The following GRIP1 variants were observed in gnomAD, a reference collection of about 807,000 sequenced individuals.
GRIP1 encodes the protein glutamate receptor interacting protein 1.
In GRIP1, 45 loss-of-function variants were observed where a neutral mutation model predicts 129.9. The ratio of observed to expected loss-of-function variants is 0.35; its 90% CI spans 0.27 to 0.44. The LOEUF (loss-of-function observed/expected upper bound fraction) is 0.44, where lower values mean the gene tolerates loss of function less well. Among genes scored for constraint, GRIP1 ranks in the 20% least tolerant of loss-of-function variants. The pLI, the probability that GRIP1 is intolerant of heterozygous loss-of-function variation, is 1.00. For synonymous variants in GRIP1, 530 were observed against 520.8 expected (o/e 1.02, Z -0.24); for missense variants, 1,196 against 1,396.8 (o/e 0.86, Z 2.29).
chr12:66,561,478 TAAAAACTAAAAAAA>T (rs996404935), intron 2 of GRIP1, among the ~76,000 whole-genome samples: 9 of 151,346 alleles, frequency 5.9e-5, no homozygotes, highest in African/African-American at 2.2e-4. Flanking sequence ...CCACAAAAAT[TAAAAACTAAAAAAA>T]AAGAAATACT....
intron 1 of GRIP1, among the ~76,000 whole-genome samples, chr12:66,736,346 A>ATTTTTTTTTTTTTTTTTTTT (rs547706592): frequency 3.0e-5 from 2 of 67,002 alleles, no homozygotes; most frequent in Non-Finnish European, 5.5e-5. Flanking sequence ...TGCCTGGCTA[A>ATTTTTTTTTTTTTTTTTTTT]TTTTTTTTTT....
intron 5 of GRIP1, among the ~76,000 whole-genome samples, chr12:66,521,011 G>A (rs1339361770): frequency 1.3e-5 from 2 of 152,158 alleles, no homozygotes; most frequent in Non-Finnish European, 2.9e-5. Flanking sequence ...AGAAATTTAG[G>A]AATGGTTAGG....
Position 66,629,345 on chromosome 12 carries a change from C to T in GRIP1, c.56-32418G>A, listed in dbSNP as rs76055161. ...GACACAAATGGCATGAAGCCTAACA[C>T]ATGTGATGACCAGCATTTCACAGAG... On this transcript the variant is annotated intron_variant, in intron 1 of 24. Transcript: ENST00000359742. 7.3e-3 allele frequency among the ~76,000 whole-genome samples: 1,118 copies of T among 152,314 alleles called. 13 individuals are homozygous for T. Among genetic ancestry groups the T allele is most frequent in the African/African-American group, 0.026 (1,074 of 41,562 alleles).
At chr12:66,661,722 G>A (rs2033521670) in intron 1 of GRIP1, among the ~76,000 whole-genome samples, 1 of 151,972 alleles carries the variant, frequency 6.6e-6, no homozygotes, top group Non-Finnish European at 1.5e-5. Flanking sequence ...CTGAGTTTTT[G>A]TCTAGTTTTA....
rs1392003060 is a variant in GRIP1, at chr12:67,028,381, T to C, written c.58+40669A>G. 2.0e-5 allele frequency among the ~76,000 whole-genome samples: 3 copies of C among 152,228 alleles called. 1 individual carries two copies. Among genetic ancestry groups the C allele is most frequent in the East Asian group, 3.8e-4 (2 of 5,200 alleles). On this transcript the variant is annotated intron_variant, in intron 1 of 1. Coordinates refer to the GRIP1 transcript ENST00000643019. ...GAACAGTGTTTGAATAGAACGACTT[T>C]TAAATAGATGTATTTTTAGTAGTTT... is the stretch of plus-strand genomic sequence containing the variant.
rs145741025 is a variant in GRIP1, at chr12:66,417,362, A to G, written c.1838+3358T>C. On this transcript the variant is annotated intron_variant, in intron 15 of 24. Transcript: ENST00000359742. ...ACTGAATGAGGAAAAACTAAAAGCC[A>G]TTCCTCTAAGATCTGGTACACAACA... 1.0e-3 allele frequency among the ~76,000 whole-genome samples: 157 copies of G among 152,288 alleles called. 1 individual carries two copies. Among genetic ancestry groups the G allele is most frequent in the African/African-American group, 3.5e-3 (144 of 41,584 alleles).
intron 2 of GRIP1, among the ~76,000 whole-genome samples, chr12:66,575,515 T>A (rs1208101385): frequency 1.3e-5 from 2 of 152,208 alleles, no homozygotes; most frequent in Non-Finnish European, 2.9e-5. Context: ...TCCTAAAACT[T>A]TCTTTCCTTC....
intron 1 of GRIP1, among the ~76,000 whole-genome samples, chr12:66,843,177 T>C (rs2039751936): frequency 6.6e-6 from 1 of 151,964 alleles, no homozygotes; most frequent in Admixed American, 6.6e-5. Flanking sequence ...TAAAAAATGC[T>C]TAAGGATAAA....
At chr12:66,649,447 C>A (rs1399280323) in intron 1 of GRIP1, among the ~76,000 whole-genome samples, 1 of 152,208 alleles carries the variant, frequency 6.6e-6, no homozygotes, top group East Asian at 1.9e-4. Context: ...TTCTCCCTCT[C>A]ATTCAATTCA....
intron 1 of GRIP1, among the ~76,000 whole-genome samples, chr12:66,678,066 T>C (rs182554027): frequency 1.8e-4 from 28 of 152,262 alleles, no homozygotes; most frequent in Non-Finnish European, 2.6e-4. Flanking sequence ...CACATATCTA[T>C]ATGGACACAA....
intron 7 of GRIP1, among the ~76,000 whole-genome samples, chr12:66,515,267 A>G (rs35684389): frequency 0.31 from 46,862 of 151,690 alleles, 7,323 homozygotes; most frequent in Middle Eastern, 0.38. Flanking sequence ...TCTATGTAAT[A>G]ATAAAAAAAA....
intron 23 of GRIP1, among the ~76,000 whole-genome samples, chr12:66,357,984 C>G (rs565911902): frequency 6.6e-6 from 1 of 152,278 alleles, no homozygotes; most frequent in African/African-American, 2.4e-5. Flanking sequence ...ACCTCCACCT[C>G]CTGGGTTCAA....
At chr12:66,502,022 C>T (rs2060406978) in intron 7 of GRIP1, among the ~76,000 whole-genome samples, 1 of 152,086 alleles carries the variant, frequency 6.6e-6, no homozygotes, top group African/African-American at 2.4e-5. Context: ...GCTATAATCA[C>T]TTTAAATTGG....
At chr12:66,661,672 G>C (rs2033517887) in intron 1 of GRIP1, among the ~76,000 whole-genome samples, 1 of 152,054 alleles carries the variant, frequency 6.6e-6, no homozygotes, top group East Asian at 1.9e-4. Context: ...GGAAAGATCA[G>C]ATAATTCATA....
intron 1 of GRIP1, among the ~76,000 whole-genome samples, chr12:66,801,792 G>T (rs2038865318): frequency 1.3e-5 from 2 of 152,104 alleles, no homozygotes; most frequent in Non-Finnish European, 2.9e-5. Context: ...AAAGAAGAAT[G>T]ACACTTCTGG....
chr12:66,355,663 A>G (rs917544749), intron 23 of GRIP1, among the ~76,000 whole-genome samples: 8 of 151,872 alleles, frequency 5.3e-5, no homozygotes, highest in Admixed American at 5.2e-4. Flanking sequence ...CCAAAGCAAT[A>G]CTCACCAGGG....
intron 1 of GRIP1, among the ~76,000 whole-genome samples, chr12:66,700,341 G>T (rs1363022576): frequency 1.3e-5 from 2 of 152,070 alleles, no homozygotes; most frequent in Admixed American, 6.5e-5. Context: ...TGGGGAGGTA[G>T]GCAGGAAAGG....
chr12:66,577,756 C>T (rs986740443), intron 2 of GRIP1, among the ~76,000 whole-genome samples: 2 of 152,052 alleles, frequency 1.3e-5, no homozygotes, highest in African/African-American at 2.4e-5. Context: ...TCAAAACCAT[C>T]CTGGGCAACA....
chr12:66,595,967 T>C (rs953408263), intron 2 of GRIP1, among the ~76,000 whole-genome samples: 2 of 152,224 alleles, frequency 1.3e-5, no homozygotes, highest in Admixed American at 6.5e-5. Flanking sequence ...TTCCAGTTAA[T>C]GTAGGAAACA....
Sources: gnomAD v4.1 joint callset for allele counts (sites outside exome capture counted in the v4.1 genomes callset) on GRCh38, gnomAD v4.1.1 for gene constraint, MANE v1.5 for transcripts, NCBI Gene and HGNC (gene_info 2026-07-23, HGNC 2026-07-21) for gene names.